The following RSRP1 variants were observed in gnomAD, a reference collection of about 807,000 sequenced individuals.
The protein encoded by RSRP1 is arginine and serine rich protein 1, also known as arginine/serine-rich protein 1.
Under a neutral mutation model 33.0 loss-of-function variants are expected in RSRP1, and 37 were observed. The observed-to-expected ratio is 1.12, with a 90% CI of 0.86 to 1.48. The LOEUF (loss-of-function observed/expected upper bound fraction) is 1.48, where lower values mean the gene tolerates loss of function less well. Among genes scored for constraint, RSRP1 ranks in the 40% most tolerant of loss-of-function variants. RSRP1 has a pLI of 0.00. For missense variants in RSRP1, 402 were observed against 385.3 expected (o/e 1.04, Z -0.36); for synonymous variants, 167 against 158.7 (o/e 1.05, Z -0.40).
chr1:25,336,344 AT>A (rs1645074057), intron 1 of RSRP1: 1 of 59,696 alleles, frequency 1.7e-5, no homozygotes. Context: ...ATAATGTATC[AT>A]ATTAGTCCAG....
rs563290618 is a variant in RSRP1 at position 25,282,893 on chromosome 1, G to GA, written c.-66-35865dup. The stretch of plus-strand genomic sequence containing the variant: ...CTGGGCAACAGAGAGACTCTGTCTC[G>GA]AAAAAAAAAAATTGTCTACATGCTG... On this transcript the variant is annotated intron_variant, in intron 1 of 1. Coordinates refer to the RSRP1 transcript ENST00000561867. Among the ~76,000 whole-genome samples the GA allele has an allele frequency of 1.2e-3, 142 of 119,980 alleles. 12 individuals are homozygous for GA. The highest frequency in any genetic ancestry group is 3.2e-3 in the African/African-American group (114 of 35,736). The allele number at this position is 119,980 out of a possible 152,430, so 78.7% of individuals were successfully genotyped here.
intron 1 of RSRP1, chr1:25,329,530 A>G (rs1211382987): frequency 5.3e-6 from 1 of 189,912 alleles, no homozygotes; most frequent in African/African-American, 2.5e-5. Flanking sequence ...GGCCTGAGCC[A>G]CTGTGCCCAG....
In RSRP1 at chr1:25,301,389, G is replaced by A; in HGVS notation, c.-67+36589C>T. ...GCTTGAGAGCTCGGAGGGGAGACGT[G>A]ACTTCCCCATCTAACTCTAAGTGAC... On this transcript the variant is annotated intron_variant, in intron 1 of 1. Transcript: ENST00000561867. 4.4e-6 allele frequency: 4 copies of A among 903,356 alleles called. 1 individual carries two copies. Among genetic ancestry groups the A allele is most frequent in the Admixed American group, 2.0e-5 (1 of 49,630 alleles). The allele number at this position is 903,356 out of a possible 1,614,324, so 56.0% of individuals were successfully genotyped here. A position where few individuals can be genotyped will look rare whatever the true frequency, so the allele number is the denominator to read the frequency against.
At chr1:25,266,862 C>T (rs1406592600) in intron 1 of RSRP1, 1 of 122,068 alleles carries the variant, frequency 8.2e-6, no homozygotes, top group East Asian at 1.9e-4. Flanking sequence ...ACACGACCTT[C>T]CCCCGAGAGT....
intron 1 of RSRP1, among the ~76,000 whole-genome samples, chr1:25,333,758 G>C (rs1419196011): frequency 7.7e-6 from 1 of 129,932 alleles, no homozygotes; most frequent in East Asian, 2.0e-4. Flanking sequence ...AGGCAATGAG[G>C]AGCAAGTCAC....
chr1:25,250,395 G>A (rs542557265), upstream of RSRP1, among the ~76,000 whole-genome samples: 21 of 152,278 alleles, frequency 1.4e-4, no homozygotes, highest in African/African-American at 4.1e-4. Context: ...GAGTCTGTCC[G>A]GCTCTGTCTG....
intron 1 of RSRP1, among the ~76,000 whole-genome samples, chr1:25,268,841 G>A (rs113039800): frequency 0.015 from 1,951 of 129,726 alleles, 266 homozygotes; most frequent in African/African-American, 0.049. Context: ...CCAGCTACTC[G>A]GGAGGCTGAG....
chr1:25,245,084 A>G (rs777613565), intron 3 of RSRP1, 66 bp downstream of exon 3: 3 of 1,613,474 alleles, frequency 1.9e-6, no homozygotes, highest in Admixed American at 3.3e-5. Context: ...CTAAGATATA[A>G]GTGGCTAATC....
At chr1:25,309,519 C>T (rs1345156649) in intron 1 of RSRP1, among the ~76,000 whole-genome samples, 1 of 131,636 alleles carries the variant, frequency 7.6e-6, no homozygotes, top group African/African-American at 2.6e-5. Flanking sequence ...ACTCAGTTTT[C>T]TTTTAAATTC....
intron 1 of RSRP1, among the ~76,000 whole-genome samples, chr1:25,271,517 G>T (rs1441533435): frequency 3.0e-5 from 4 of 132,038 alleles, no homozygotes; most frequent in Non-Finnish European, 7.2e-5. Flanking sequence ...TAGAAAATAA[G>T]GAAACTCCAA....
In RSRP1 at chr1:25,289,135, A is replaced by T. The variant is rs568612574; in HGVS notation, c.-66-42106T>A. Among the ~76,000 whole-genome samples the T allele has an allele frequency of 1.1e-4, 14 of 131,750 alleles. 5 individuals carry two copies. Among genetic ancestry groups the T allele is most frequent in the Non-Finnish European group, 2.5e-4 (14 of 55,622 alleles). The allele number at this position is 131,750 out of a possible 152,430, so 86.4% of individuals were successfully genotyped here. ...TCCAAAAAGTCCATTTTAATCCTCT[A>T]CGTGACCCTCTGTAAAATGGGATAC... On this transcript the variant is annotated intron_variant, in intron 1 of 1. Transcript: ENST00000561867.
At position 25,314,669 on chromosome 1, in the gene RSRP1, T is replaced by C. The variant is rs1289848965; in HGVS notation, c.-67+23309A>G. 5.3e-5 allele frequency among the ~76,000 whole-genome samples: 7 copies of C among 131,604 alleles called. 2 individuals carry two copies. The highest frequency in any genetic ancestry group is 2.3e-4 in the South Asian group (1 of 4,326). The allele number at this position is 131,604 out of a possible 152,430, so 86.3% of individuals were successfully genotyped here. ...CCACCATGCCCAGCTAACTTCTGTA[T>C]AGACAAAATAATTTTTGGTAGAGAC... On this transcript the variant is annotated intron_variant, in intron 1 of 1. Coordinates refer to the RSRP1 transcript ENST00000561867.
At chr1:25,262,459 G>A (rs2765571) in intron 1 of RSRP1, among the ~76,000 whole-genome samples, 25 of 152,280 alleles carry the variant, frequency 1.6e-4, no homozygotes, top group Middle Eastern at 6.8e-3. Context: ...AAAAGTATAC[G>A]TAGTCAGGGT....
intron 1 of RSRP1, among the ~76,000 whole-genome samples, chr1:25,258,498 GAGA>G (rs1205401946): frequency 6.6e-6 from 1 of 152,116 alleles, no homozygotes; most frequent in Non-Finnish European, 1.5e-5. Context: ...GTTCTCATGG[GAGA>G]AGAAGACTTT....
upstream of RSRP1, among the ~76,000 whole-genome samples, chr1:25,250,684 GAGA>G (rs753796855): frequency 6.6e-5 from 10 of 152,180 alleles, no homozygotes; most frequent in African/African-American, 2.4e-4. Flanking sequence ...GTCAAAGCAT[GAGA>G]AGAATTCCAT....
At chr1:25,252,923 A>G (rs1639835073) in intron 1 of RSRP1, among the ~76,000 whole-genome samples, 1 of 152,088 alleles carries the variant, frequency 6.6e-6, no homozygotes, top group African/African-American at 2.4e-5. Context: ...AGGTCAGCCT[A>G]TTTTCAAGGT....
rs372348506 is a variant in RSRP1 at position 25,278,648 on chromosome 1, A to G, written c.-66-31619T>C. On this transcript the variant is annotated intron_variant, in intron 1 of 1. Coordinates refer to the RSRP1 transcript ENST00000561867. ...AGAGCTTCCCTAAGGCTTCCAAACT[A>G]GGAGACTATCCTGGGTCCTGTGCTG... Among the ~76,000 whole-genome samples, 108 of 131,482 alleles carry G rather than the reference A, an allele frequency of 8.2e-4. 12 individuals carry two copies. Among genetic ancestry groups the G allele is most frequent in the South Asian group, 4.7e-3 (20 of 4,256 alleles). 86.3% of individuals were successfully genotyped at this position (131,482 alleles called of 152,430 possible). A position where few individuals can be genotyped will look rare whatever the true frequency, so the allele number is the denominator to read the frequency against.
intron 1 of RSRP1, among the ~76,000 whole-genome samples, chr1:25,286,613 T>C (rs1208652996): frequency 3.0e-5 from 4 of 133,278 alleles, no homozygotes; most frequent in Admixed American, 2.2e-4. Flanking sequence ...GGAGAAACCC[T>C]GTCTCTACTA....
intron 1 of RSRP1, among the ~76,000 whole-genome samples, chr1:25,310,092 A>G (rs1343255256): frequency 7.5e-6 from 1 of 132,696 alleles, no homozygotes; most frequent in African/African-American, 2.5e-5. Flanking sequence ...ACCAACACCC[A>G]GAACCTCTTC....
Sources: allele counts gnomAD v4.1 joint callset (sites outside exome capture counted in the v4.1 genomes callset), GRCh38; gene constraint gnomAD v4.1.1; transcripts MANE v1.5; gene names NCBI Gene and HGNC (gene_info 2026-07-23, HGNC 2026-07-21).